Variants in RBFOX1 observed in about 807,000 individuals in gnomAD.
RBFOX1 encodes RNA binding fox-1 homolog 1, also known as RNA binding protein fox-1 homolog 1.
In RBFOX1, 8 loss-of-function variants were observed where a neutral mutation model predicts 57.7. That is an observed-to-expected ratio of 0.14 (90% CI 0.08 to 0.25). The LOEUF is 0.25. Ranked by LOEUF, RBFOX1 falls within the 10% of genes least tolerant of loss-of-function variation. The pLI is 1.00. For synonymous variants in RBFOX1, 326 were observed against 222.4 expected, an observed-to-expected ratio of 1.47 and a Z score of -4.15; for missense variants, 611 against 548.5, an observed-to-expected ratio of 1.11 and a Z score of -1.14.
At chr16:7,435,939 C>G (rs112195910) in intron 4 of RBFOX1, among the ~76,000 whole-genome samples, 1 of 152,204 alleles carries the variant, frequency 6.6e-6, no homozygotes, top group Non-Finnish European at 1.5e-5. Flanking sequence ...AGTACGTCAA[C>G]ATTACTGCAG....
At chr16:6,768,266 C>G (rs1029208410) in intron 3 of RBFOX1, among the ~76,000 whole-genome samples, 3 of 151,882 alleles carry the variant, frequency 2.0e-5, no homozygotes, top group Non-Finnish European at 4.4e-5. Context: ...CTTTTTTTTC[C>G]TGTTTTTGCT....
intron 1 of RBFOX1, among the ~76,000 whole-genome samples, chr16:5,441,221 A>C (rs571991817): frequency 1.3e-5 from 2 of 152,268 alleles, no homozygotes; most frequent in African/African-American, 4.8e-5. Flanking sequence ...TAGAGCTATG[A>C]GGATTTACTC....
At chr16:7,654,024 G>T (rs1040318099) in intron 12 of RBFOX1, 77 bp downstream of exon 12, 2 of 1,410,154 alleles carry the variant, frequency 1.4e-6, no homozygotes, top group Non-Finnish European at 1.9e-6. Context: ...GTTTGCGAGC[G>T]CATGATGGTC....
At chr16:6,553,574 C>A (rs951731022) in intron 2 of RBFOX1, among the ~76,000 whole-genome samples, 1 of 152,222 alleles carries the variant, frequency 6.6e-6, no homozygotes, top group Non-Finnish European at 1.5e-5. Context: ...TCACATCTTA[C>A]TCACCTTTGT....
chr16:5,943,671 A>G (rs768209620), intron 4 of RBFOX1, among the ~76,000 whole-genome samples: 1 of 152,200 alleles, frequency 6.6e-6, no homozygotes, highest in Non-Finnish European at 1.5e-5. Flanking sequence ...GTATCCCCAG[A>G]AATCTGAGAA....
intron 1 of RBFOX1, among the ~76,000 whole-genome samples, chr16:6,233,633 G>A (rs1483227874): frequency 1.3e-5 from 2 of 151,892 alleles, no homozygotes; most frequent in Admixed American, 6.6e-5. Flanking sequence ...CAAAGAAATG[G>A]GGTCTCACTG....
chr16:5,856,601 A>ATATATATATATG (rs1321996342), intron 3 of RBFOX1, among the ~76,000 whole-genome samples: 11 of 107,304 alleles, frequency 1.0e-4, no homozygotes, highest in African/African-American at 4.0e-4. Flanking sequence ...ATATATATAT[A>ATATATATATATG]TATAATCTTA....
intron 3 of RBFOX1, among the ~76,000 whole-genome samples, chr16:6,724,199 G>C (rs370796642): frequency 6.7e-6 from 1 of 149,350 alleles, no homozygotes; most frequent in Non-Finnish European, 1.5e-5. Context: ...CGGCGAGAAG[G>C]CATCTTCCAT....
chr16:6,299,462 G>A (rs541320957), intron 1 of RBFOX1, among the ~76,000 whole-genome samples: 2 of 152,288 alleles, frequency 1.3e-5, no homozygotes, highest in Non-Finnish European at 2.9e-5. Flanking sequence ...GAGAGGTCGA[G>A]TAACTTGCCC....
At chr16:6,625,418 C>G (rs1035962768) in intron 2 of RBFOX1, among the ~76,000 whole-genome samples, 1 of 152,142 alleles carries the variant, frequency 6.6e-6, no homozygotes, top group Non-Finnish European at 1.5e-5. Flanking sequence ...GTATAGGTGT[C>G]AAGTAAAAAT....
chr16:5,380,838 G>A (rs190523983), intron 1 of RBFOX1, among the ~76,000 whole-genome samples: 1 of 152,202 alleles, frequency 6.6e-6, no homozygotes, highest in South Asian at 2.1e-4. Flanking sequence ...TATATAACTT[G>A]AATATTTTAT....
intron 2 of RBFOX1, among the ~76,000 whole-genome samples, chr16:6,528,981 T>G (rs1251413790): frequency 6.6e-6 from 1 of 152,206 alleles, no homozygotes; most frequent in Non-Finnish European, 1.5e-5. Context: ...TTTCTCTACA[T>G]GAAGAACAAT....
At chr16:6,628,962 G>A (rs546832600) in intron 2 of RBFOX1, among the ~76,000 whole-genome samples, 3 of 152,236 alleles carry the variant, frequency 2.0e-5, no homozygotes, top group Admixed American at 6.5e-5. Context: ...CCCAGGCTGC[G>A]GAGGTTACAG....
At chr16:6,568,692 T>C (rs1385312248) in intron 2 of RBFOX1, among the ~76,000 whole-genome samples, 2 of 152,172 alleles carry the variant, frequency 1.3e-5, no homozygotes, top group African/African-American at 4.8e-5. Flanking sequence ...TGTATAACAG[T>C]AAATCATTTC....
intron 4 of RBFOX1, among the ~76,000 whole-genome samples, chr16:7,217,187 C>G (rs2092246443): frequency 1.3e-5 from 2 of 151,362 alleles, no homozygotes; most frequent in South Asian, 2.1e-4. Flanking sequence ...TCACTGCAAC[C>G]TCCGCCTTCC....
chr16:6,344,900 A>G (rs1199104861), intron 2 of RBFOX1, among the ~76,000 whole-genome samples: 1 of 150,648 alleles, frequency 6.6e-6, no homozygotes, highest in Non-Finnish European at 1.5e-5. Context: ...CAGGTTGGCC[A>G]GGCTGGTCTT....
chr16:7,482,541 G>GTTT (rs1567418090), intron 4 of RBFOX1, among the ~76,000 whole-genome samples: 7 of 122,700 alleles, frequency 5.7e-5, no homozygotes, highest in African/African-American at 2.4e-4. Flanking sequence ...GATTGCCTGG[G>GTTT]ATTTTTTTTT....
intron 1 of RBFOX1, among the ~76,000 whole-genome samples, chr16:6,027,070 G>T (rs2095210754): frequency 6.6e-6 from 1 of 152,250 alleles, no homozygotes; most frequent in Admixed American, 6.5e-5. Flanking sequence ...TCCCCAAGAT[G>T]TTGATGTCTC....
At chr16:6,750,559 C>T (rs1449511861) in intron 3 of RBFOX1, among the ~76,000 whole-genome samples, 2 of 152,168 alleles carry the variant, frequency 1.3e-5, no homozygotes, top group East Asian at 3.8e-4. Context: ...AAACTGGTGA[C>T]CGAACTATGG....
Sources: gnomAD v4.1 joint callset for allele counts (sites outside exome capture counted in the v4.1 genomes callset) on GRCh38, gnomAD v4.1.1 for gene constraint, MANE v1.5 for transcripts, NCBI Gene and HGNC (gene_info 2026-07-23, HGNC 2026-07-21) for gene names.